Variants in CDH6 observed in about 807,000 individuals in gnomAD.
The protein encoded by CDH6 is cadherin 6, also known as cadherin-6.
Under a neutral mutation model 78.0 loss-of-function variants are expected in CDH6, and 31 were observed. That is an observed-to-expected ratio of 0.40 (90% CI 0.30 to 0.54). CDH6 has a LOEUF of 0.54. CDH6 is among the 20% of genes least tolerant of loss of function. The pLI, the probability that CDH6 is intolerant of heterozygous loss-of-function variation, is 0.56. For synonymous variants in CDH6, 376 were observed against 368.8 expected (o/e 1.02, Z -0.23); for missense variants, 724 against 975.9 (o/e 0.74, Z 3.44).
chr5:31,232,384 T>C (rs943585148), intron 1 of CDH6, among the ~76,000 whole-genome samples: 1 of 152,178 alleles, frequency 6.6e-6, no homozygotes, highest in African/African-American at 2.4e-5. Flanking sequence ...CTTCCACATT[T>C]TTCTTCCACT....
rs887596174 is a variant in CDH6 at position 31,300,647 on chromosome 5, G to T, written c.811+1016G>T. ...TTGCCCAAAACCTACTTTTTAATATGGAGATTCCCTGGGGAAGAATAACAT... is the reference window on the plus strand; with the variant it reads ...TTGCCCAAAACCTACTTTTTAATATTGAGATTCCCTGGGGAAGAATAACAT... On this transcript the variant is annotated intron_variant, in intron 5 of 11. Coordinates refer to ENST00000265071, the MANE Select transcript of CDH6 (RefSeq NM_004932.4). 2.6e-5 allele frequency among the ~76,000 whole-genome samples: 4 copies of T among 152,124 alleles called. No homozygotes were observed. The East Asian group carries it at 7.7e-4, about 29-fold the overall frequency.
intron 1 of CDH6, among the ~76,000 whole-genome samples, chr5:31,256,913 G>C (rs1417797631): frequency 6.6e-6 from 1 of 152,124 alleles, no homozygotes; most frequent in Non-Finnish European, 1.5e-5. Flanking sequence ...CGAGAGAGGT[G>C]GAATAGCTTG....
At position 31,294,267 on chromosome 5, in the gene CDH6, C is replaced by T. The variant is rs753159151; in HGVS notation, c.523+11C>T. 1.2e-5 allele frequency: 19 copies of T among 1,601,502 alleles called. No homozygotes were observed. The highest frequency in any genetic ancestry group is 5.4e-5 in the African/African-American group (4 of 74,506). On this transcript the variant is annotated intron_variant, in intron 3 of 11. Coordinates refer to ENST00000265071, the MANE Select transcript of CDH6 (RefSeq NM_004932.4). The surrounding 1 kb of genome is among the most constrained non-coding windows in gnomAD (Gnocchi z 4.1). Reference sequence around the variant, plus strand: ...AAATGTCTGATGTCGGTGAGTGAGACGTGACTTCAGCCAAAAGCTGGCTTT... The same window carrying T: ...AAATGTCTGATGTCGGTGAGTGAGATGTGACTTCAGCCAAAAGCTGGCTTT...
In CDH6 at chr5:31,323,813, T is replaced by A; in HGVS notation, c.*505T>A. On this transcript the variant is annotated 3_prime_UTR_variant, in exon 12 of 12. Transcript: ENST00000265071. ...AAGAATTTAAAATAACACTTGCCCA[T>A]GCTATTTGTTCTTCAAGAACTTTCT... 4.3e-6 allele frequency: 1 copy of A among 231,216 alleles called. No homozygotes were observed. Among genetic ancestry groups the A allele is most frequent in the East Asian group, 6.2e-5 (1 of 16,156 alleles). The allele number at this position is 231,216 out of a possible 1,614,324, so 14.3% of individuals were successfully genotyped here.
At chr5:31,219,776 A>T (rs981160556) in intron 1 of CDH6, among the ~76,000 whole-genome samples, 1 of 152,224 alleles carries the variant, frequency 6.6e-6, no homozygotes, top group South Asian at 2.1e-4. Context: ...ACAAGTATTC[A>T]GTAAGTATTT....
At chr5:31,311,852 G>A (rs1001383218) in intron 7 of CDH6, among the ~76,000 whole-genome samples, 31 of 152,134 alleles carry the variant, frequency 2.0e-4, no homozygotes, top group African/African-American at 7.5e-4. Context: ...ATTACAATTC[G>A]AGATTAGATT....
intron 4 of CDH6, 67 bp downstream of exon 4, chr5:31,297,475 TA>T (rs1737642742): frequency 1.7e-6 from 2 of 1,182,570 alleles, no homozygotes; most frequent in Non-Finnish European, 2.4e-6. Flanking sequence ...TGAGCTAGCA[TA>T]TTTTTAATAA....
intron 1 of CDH6, among the ~76,000 whole-genome samples, chr5:31,264,476 T>C (rs1431952020): frequency 6.6e-6 from 1 of 152,166 alleles, no homozygotes; most frequent in African/African-American, 2.4e-5. Flanking sequence ...AATGAAACCA[T>C]TTTCCCAGGT....
At chr5:31,316,726 T>C (rs1579913334) in intron 9 of CDH6, among the ~76,000 whole-genome samples, 2 of 152,270 alleles carry the variant, frequency 1.3e-5, no homozygotes, top group East Asian at 3.8e-4. Context: ...TACAAATTCA[T>C]GAATGTTTTA....
chr5:31,258,259 T>C (rs1375277552), intron 1 of CDH6, among the ~76,000 whole-genome samples: 1 of 152,120 alleles, frequency 6.6e-6, no homozygotes, highest in African/African-American at 2.4e-5. Context: ...AGTGATAGAC[T>C]GGATAAAGAA....
At chr5:31,277,475 A>C (rs1445132681) in intron 2 of CDH6, among the ~76,000 whole-genome samples, 1 of 152,236 alleles carries the variant, frequency 6.6e-6, no homozygotes, top group African/African-American at 2.4e-5. Context: ...CTCCTTATAT[A>C]ATTGAACCAA....
chr5:31,226,256 C>A (rs528151225), intron 1 of CDH6, among the ~76,000 whole-genome samples: 4 of 152,148 alleles, frequency 2.6e-5, no homozygotes, highest in Admixed American at 1.3e-4. Flanking sequence ...CTCACTGCAA[C>A]CTCCCCTTCC....
At chr5:31,321,158 C>T (rs1487196460) in intron 11 of CDH6, among the ~76,000 whole-genome samples, 1 of 138,492 alleles carries the variant, frequency 7.2e-6, no homozygotes, top group Non-Finnish European at 1.6e-5. Context: ...AACTGTCCCC[C>T]ACCCCACCCA....
At chr5:31,252,721 T>G (rs1301491570) in intron 1 of CDH6, among the ~76,000 whole-genome samples, 1 of 152,148 alleles carries the variant, frequency 6.6e-6, no homozygotes, top group Non-Finnish European at 1.5e-5. Flanking sequence ...GTATAAAGTT[T>G]TCTTTTCTGA....
intron 7 of CDH6, among the ~76,000 whole-genome samples, chr5:31,308,333 A>G (rs1329111713): frequency 1.3e-5 from 2 of 152,068 alleles, no homozygotes; most frequent in Non-Finnish European, 2.9e-5. Flanking sequence ...TGAAAAATTT[A>G]TGCAAACATA....
intron 2 of CDH6, among the ~76,000 whole-genome samples, chr5:31,289,035 G>A (rs957869477): frequency 2.6e-5 from 4 of 152,008 alleles, no homozygotes; most frequent in South Asian, 2.1e-4. Flanking sequence ...AGTATTACAC[G>A]TGTAATGGTG....
intron 1 of CDH6, among the ~76,000 whole-genome samples, chr5:31,238,766 A>G (rs1210205265): frequency 6.6e-6 from 1 of 152,232 alleles, no homozygotes; most frequent in Non-Finnish European, 1.5e-5. Context: ...AGACACGTGT[A>G]GCTAATAGCT....
intron 1 of CDH6, among the ~76,000 whole-genome samples, chr5:31,207,025 C>G (rs1579813184): frequency 6.6e-6 from 1 of 152,224 alleles, no homozygotes; most frequent in East Asian, 1.9e-4. Context: ...ATATACTGGT[C>G]AGTCAAAATA....
chr5:31,200,643 G>A (rs1285298610), intron 1 of CDH6, among the ~76,000 whole-genome samples: 1 of 147,426 alleles, frequency 6.8e-6, no homozygotes, highest in Non-Finnish European at 1.5e-5. Flanking sequence ...CGCCACAAAA[G>A]CAAGGAAAGA....
Sources: allele counts gnomAD v4.1 joint callset (sites outside exome capture counted in the v4.1 genomes callset), GRCh38; gene constraint gnomAD v4.1.1; non-coding constraint Gnocchi (gnomAD v3.1); transcripts MANE v1.5; gene names NCBI Gene and HGNC (gene_info 2026-07-23, HGNC 2026-07-21).